SNX24: variants seen among roughly 807,000 people sequenced by gnomAD.
The protein encoded by SNX24 is sorting nexin 24.
SNX24 carries 22 observed loss-of-function variants against 28.7 expected under a neutral mutation model. That is an observed-to-expected ratio of 0.77 (90% CI 0.55 to 1.10). The LOEUF is 1.10. Ranked by LOEUF, SNX24 falls within the 50% of genes least tolerant of loss-of-function variation. SNX24 has a pLI of 0.00. For missense variants in SNX24, 221 were observed against 201.1 expected, an observed-to-expected ratio of 1.10 and a Z score of -0.60; for synonymous variants, 69 against 71.5, an observed-to-expected ratio of 0.96 and a Z score of 0.18.
intron 1 of SNX24, among the ~76,000 whole-genome samples, chr5:122,906,589 A>G (rs1363452449): frequency 6.6e-6 from 1 of 151,898 alleles, no homozygotes; most frequent in Non-Finnish European, 1.5e-5. Context: ...GCTCACTGCA[A>G]CCTCCGCCTC....
At position 122,936,802 on chromosome 5, in the gene SNX24, T is replaced by C; in HGVS notation, c.129T>C (p.His43=). The change falls in exon 2 of 7, where the codon CAT becomes CAC. Residue 43 remains histidine (H), a synonymous_variant. Transcript: ENST00000261369. ...TTGAAAAGAGATACAGCGAATTTCA[T>C]GCTTTGCACAAAAAGGTAACTTGTT... ...HFVEKRYSEF[H]ALHKKLKKCI... is the part of the protein sequence containing the mutation. 6.2e-7 allele frequency: 1 copy of C among 1,605,796 alleles called. No homozygotes were observed. The highest frequency in any genetic ancestry group is 8.5e-7 in the Non-Finnish European group (1 of 1,173,772).
At chr5:122,974,157 T>TAA (rs1761070735) in intron 3 of SNX24, among the ~76,000 whole-genome samples, 1 of 152,174 alleles carries the variant, frequency 6.6e-6, no homozygotes, top group South Asian at 2.1e-4. Flanking sequence ...TCCTTCACCT[T>TAA]ACAAGGAGTA....
chr5:122,958,090 T>C (rs946155894), intron 3 of SNX24, among the ~76,000 whole-genome samples: 1 of 152,202 alleles, frequency 6.6e-6, no homozygotes, highest in Non-Finnish European at 1.5e-5. Context: ...ACAGGCATCA[T>C]AGTTTTGTTC....
chr5:122,923,591 G>A lies in SNX24; in HGVS notation c.61-13143G>A, dbSNP rs567399440. ...TACGAAATGGCCTGCGTTCTTTCAC[G>A]GACACAGAGGTTGTCCCTCTCCACT... On this transcript the variant is annotated intron_variant, in intron 1 of 6. Coordinates refer to ENST00000261369, the MANE Select transcript of SNX24 (RefSeq NM_014035.4). Among the ~76,000 whole-genome samples, 571 of 152,220 alleles carry A rather than the reference G, an allele frequency of 3.8e-3. 4 individuals carry two copies. The highest frequency in any genetic ancestry group is 0.013 in the African/African-American group (526 of 41,518).
At chr5:122,987,284 C>G (rs2150161926) in intron 3 of SNX24, among the ~76,000 whole-genome samples, 1 of 152,282 alleles carries the variant, frequency 6.6e-6, no homozygotes, top group African/African-American at 2.4e-5. Flanking sequence ...TCGGCATCAC[C>G]TAGAAACTTG....
chr5:122,937,603 C>T lies in SNX24; in HGVS notation c.144+786C>T, dbSNP rs144752423. Among the ~76,000 whole-genome samples, 516 of 152,240 alleles carry T rather than the reference C, an allele frequency of 3.4e-3. 4 individuals carry two copies. Among genetic ancestry groups the T allele is most frequent in the African/African-American group, 0.012 (488 of 41,538 alleles). On this transcript the variant is annotated intron_variant, in intron 2 of 6. Transcript: ENST00000261369. ...CCCGTTAACAGGATAAACTTATAAACGTTAACAGGATATTAGTGAGAGATT... is the reference window on the plus strand; with the variant it reads ...CCCGTTAACAGGATAAACTTATAAATGTTAACAGGATATTAGTGAGAGATT...
intron 2 of SNX24, among the ~76,000 whole-genome samples, chr5:122,945,413 G>A (rs1221489174): frequency 2.0e-5 from 3 of 152,188 alleles, no homozygotes; most frequent in Non-Finnish European, 2.9e-5. Flanking sequence ...ACCACAGACA[G>A]CTCTAATGCA....
chr5:122,979,417 T>A (rs1279521003), intron 3 of SNX24, among the ~76,000 whole-genome samples: 1 of 152,128 alleles, frequency 6.6e-6, no homozygotes, highest in African/African-American at 2.4e-5. Flanking sequence ...CCCACTGCAT[T>A]GTGAAAAGGG....
intron 1 of SNX24, among the ~76,000 whole-genome samples, chr5:122,929,277 C>T (rs1463645723): frequency 1.3e-5 from 2 of 152,158 alleles, no homozygotes; most frequent in African/African-American, 2.4e-5. Flanking sequence ...GCTTGTCCCT[C>T]CTCTTTGCCT....
chr5:123,007,360 G>A (rs964837515), intron 6 of SNX24, among the ~76,000 whole-genome samples: 2 of 152,222 alleles, frequency 1.3e-5, no homozygotes, highest in South Asian at 2.1e-4. Flanking sequence ...TGAATTGCCA[G>A]TGTAATCCAT....
At chr5:122,967,125 A>G (rs1760744528) in intron 3 of SNX24, among the ~76,000 whole-genome samples, 1 of 152,192 alleles carries the variant, frequency 6.6e-6, no homozygotes, top group Non-Finnish European at 1.5e-5. Flanking sequence ...TTCTGATGGA[A>G]TCTTTTACCC....
chr5:122,855,225 C>T (rs1755129054), intron 1 of SNX24, among the ~76,000 whole-genome samples: 1 of 152,136 alleles, frequency 6.6e-6, no homozygotes, highest in East Asian at 1.9e-4. Context: ...GTGCAGGCCA[C>T]TATGCCCGCC....
intron 1 of SNX24, among the ~76,000 whole-genome samples, chr5:122,894,520 G>A (rs1282725532): frequency 6.6e-6 from 1 of 152,084 alleles, no homozygotes; most frequent in Admixed American, 6.5e-5. Context: ...TTGTGTGACT[G>A]AACCATCATT....
chr5:122,872,457 C>G (rs1756022503), intron 1 of SNX24, among the ~76,000 whole-genome samples: 1 of 152,008 alleles, frequency 6.6e-6, no homozygotes, highest in South Asian at 2.1e-4. Flanking sequence ...AGAACCAATC[C>G]TGAATTTGTA....
chr5:122,985,631 T>G lies in SNX24; in HGVS notation c.250-14281T>G, dbSNP rs76065310. Among the ~76,000 whole-genome samples, 421 of 152,362 alleles carry G rather than the reference T, an allele frequency of 2.8e-3. 5 individuals carry two copies. Among genetic ancestry groups the G allele is most frequent in the African/African-American group, 9.5e-3 (395 of 41,596 alleles). On this transcript the variant is annotated intron_variant, in intron 3 of 6. Coordinates refer to ENST00000261369, the MANE Select transcript of SNX24 (RefSeq NM_014035.4). Reference sequence around the variant, plus strand: ...TCCTCAGCAAATCCCTTGCTTAATTTCCTATCAGTCTCTAAGTTCTTGCTT... The same window carrying G: ...TCCTCAGCAAATCCCTTGCTTAATTGCCTATCAGTCTCTAAGTTCTTGCTT...
intron 1 of SNX24, among the ~76,000 whole-genome samples, chr5:122,887,884 G>C (rs1003062180): frequency 6.6e-6 from 1 of 152,130 alleles, no homozygotes; most frequent in Non-Finnish European, 1.5e-5. Context: ...TATATTTTCA[G>C]TAAAGATGAG....
chr5:122,987,617 TG>T (rs1761659233), intron 3 of SNX24, among the ~76,000 whole-genome samples: 1 of 152,086 alleles, frequency 6.6e-6, no homozygotes, highest in African/African-American at 2.4e-5. Flanking sequence ...GAGAGGCTGA[TG>T]GGTTTGGAGG....
At chr5:122,947,517 T>C (rs1455564184) in intron 3 of SNX24, among the ~76,000 whole-genome samples, 1 of 152,170 alleles carries the variant, frequency 6.6e-6, no homozygotes, top group Non-Finnish European at 1.5e-5. Flanking sequence ...CTGTTTTTGC[T>C]CTTTTGCTTT....
intron 1 of SNX24, among the ~76,000 whole-genome samples, chr5:122,846,627 G>A (rs1754648939): frequency 6.6e-6 from 1 of 152,162 alleles, no homozygotes; most frequent in South Asian, 2.1e-4. Flanking sequence ...AAATATTACT[G>A]GTATTTGGTG....
Sources: gnomAD v4.1 joint callset for allele counts (sites outside exome capture counted in the v4.1 genomes callset) on GRCh38, gnomAD v4.1.1 for gene constraint, MANE v1.5 for transcripts, NCBI Gene and HGNC (gene_info 2026-07-23, HGNC 2026-07-21) for gene names.